DTNB: variants seen among roughly 807,000 people sequenced by gnomAD.
DTNB encodes the protein DTN-B.
A neutral mutation model predicts 90.7 loss-of-function variants in DTNB; 63 were observed. The ratio of observed to expected loss-of-function variants is 0.69; its 90% CI spans 0.57 to 0.86. DTNB has a LOEUF of 0.86. Among genes scored for constraint, DTNB ranks in the 40% least tolerant of loss-of-function variants. The pLI is 0.00. For missense variants in DTNB, 744 were observed against 807.1 expected (o/e 0.92, Z 0.95); for synonymous variants, 277 against 286.7 (o/e 0.97, Z 0.34).
At chr2:25,509,665 T>C (rs1261147388) in intron 9 of DTNB, among the ~76,000 whole-genome samples, 2 of 152,018 alleles carry the variant, frequency 1.3e-5, no homozygotes, top group Non-Finnish European at 2.9e-5. Context: ...AATCTTCTAT[T>C]TGTTTTTAGT....
rs1435648196 is a variant in DTNB at position 25,424,670 on chromosome 2, T to C, written c.1554+2865A>G. ...ACAGGGAAGAGGTGAGTGGATCCCCTATTTTTTTTTTTTTTGAGACTGAGT... is the reference window on the plus strand; with the variant it reads ...ACAGGGAAGAGGTGAGTGGATCCCCCATTTTTTTTTTTTTTGAGACTGAGT... On this transcript the variant is annotated intron_variant, in intron 15 of 20. Transcript: ENST00000406818. This position sits in a 1 kb window ranked among gnomAD's most constrained non-coding sequence, Gnocchi z 4.1. 6.6e-6 allele frequency among the ~76,000 whole-genome samples: 1 copy of C among 150,932 alleles called. No individual in the cohort carries two copies. Among genetic ancestry groups the C allele is most frequent in the African/African-American group, 2.5e-5 (1 of 40,708 alleles).
chr2:25,617,321 G>C (rs1042407814), intron 4 of DTNB, among the ~76,000 whole-genome samples: 6 of 152,110 alleles, frequency 3.9e-5, no homozygotes, highest in African/African-American at 1.4e-4. Flanking sequence ...AATGTGAGCG[G>C]GATGAATTTA....
Position 25,589,367 on chromosome 2 carries a change from C to CTTTT in DTNB, c.603+6715_603+6718dup, listed in dbSNP as rs1169808182. On this transcript the variant is annotated intron_variant, in intron 6 of 20. Transcript: ENST00000406818. ...GCTTATTCAGGTTTCTTTTTCTTTTCTTTTTTTTTTTTTTTTTTTTTTTTT... is the reference window on the plus strand; with the variant it reads ...GCTTATTCAGGTTTCTTTTTCTTTTCTTTTTTTTTTTTTTTTTTTTTTTTTTTTT... 6.8e-3 allele frequency among the ~76,000 whole-genome samples: 390 copies of CTTTT among 57,538 alleles called. 73 individuals are homozygous for CTTTT. Among genetic ancestry groups the CTTTT allele is most frequent in the East Asian group, 0.017 (27 of 1,632 alleles). The allele number at this position is 57,538 out of a possible 152,430, so 37.7% of individuals were successfully genotyped here. A position where few individuals can be genotyped will look rare whatever the true frequency, so the allele number is the denominator to read the frequency against.
At position 25,596,152 on chromosome 2, in the gene DTNB, T is replaced by G. The variant is rs747690891; in HGVS notation, c.537A>C (p.Thr179=). 6.2e-7 allele frequency: 1 copy of G among 1,613,524 alleles called. No individual in the cohort carries two copies. Among genetic ancestry groups the G allele is most frequent in the African/African-American group, 1.3e-5 (1 of 75,006 alleles). ...CAAAAGATGGCCCTTCAAAGACAGC[T>G]GTTGGGAGCTTCAGAACTTCCTTCA... is the stretch of plus-strand genomic sequence containing the variant. ...QFLKEVLKLP[T]AVFEGPSFGY... is the part of the protein sequence containing the mutation. Residue 179 remains threonine, a synonymous_variant, in exon 6 of 21, where the codon ACA becomes ACC. Transcript: ENST00000406818.
chr2:25,415,802 T>C (rs1481147475), intron 16 of DTNB, among the ~76,000 whole-genome samples: 2 of 152,158 alleles, frequency 1.3e-5, no homozygotes, highest in Non-Finnish European at 2.9e-5. Context: ...CCCAACTCCA[T>C]GGGGACTGAA....
chr2:25,604,498 C>T (rs1336879507), intron 5 of DTNB, among the ~76,000 whole-genome samples: 1 of 152,126 alleles, frequency 6.6e-6, no homozygotes, highest in Admixed American at 6.5e-5. Flanking sequence ...CCTCGAACTT[C>T]TAGCCTCAAG....
At chr2:25,639,758 A>G (rs2077842584) in intron 2 of DTNB, among the ~76,000 whole-genome samples, 1 of 152,232 alleles carries the variant, frequency 6.6e-6, no homozygotes, top group Non-Finnish European at 1.5e-5. Flanking sequence ...CGGCAGAAGT[A>G]CAGTGCGGGA....
At chr2:25,449,340 A>G (rs2058920571) in intron 12 of DTNB, among the ~76,000 whole-genome samples, 1 of 152,238 alleles carries the variant, frequency 6.6e-6, no homozygotes, top group Non-Finnish European at 1.5e-5. Flanking sequence ...CTCTTGGATA[A>G]ATATCTAAGA....
intron 8 of DTNB, among the ~76,000 whole-genome samples, chr2:25,560,460 C>G (rs1233139915): frequency 6.6e-6 from 1 of 152,154 alleles, no homozygotes. Context: ...AAAGGCTGAC[C>G]CAGCCCTGAA....
At chr2:25,662,651 T>TACACACAC (rs371062484) in intron 1 of DTNB, among the ~76,000 whole-genome samples, 106 of 129,328 alleles carry the variant, frequency 8.2e-4, no homozygotes, top group African/African-American at 1.8e-3. Flanking sequence ...AATATACAAA[T>TACACACAC]ACACACACAC....
At chr2:25,401,563 A>G (rs1483785362) in intron 16 of DTNB, among the ~76,000 whole-genome samples, 1 of 152,276 alleles carries the variant, frequency 6.6e-6, no homozygotes, top group Admixed American at 6.5e-5. Flanking sequence ...GGGTGGCCCC[A>G]GCATGATGCC....
Position 25,435,532 on chromosome 2 carries a change from G to C in DTNB, c.1258-1537C>G, listed in dbSNP as rs1197626384. ...TCTATCTTTTTTCACTTAGCAAAAT[G>C]TTTTTAAAGTTCACCCATGTTGTAC... is the stretch of plus-strand genomic sequence containing the variant. On this transcript the variant is annotated intron_variant, in intron 12 of 20. Transcript: ENST00000406818. Among the ~76,000 whole-genome samples the C allele has an allele frequency of 2.0e-5, 3 of 152,270 alleles. No individual in the cohort carries two copies. In the South Asian group the frequency reaches 6.2e-4, roughly 32 times the overall value.
At chr2:25,559,340 G>A (rs1464523403) in intron 8 of DTNB, among the ~76,000 whole-genome samples, 1 of 152,092 alleles carries the variant, frequency 6.6e-6, no homozygotes, top group Non-Finnish European at 1.5e-5. Context: ...GGCATTCCCT[G>A]AAGGCTCAGC....
chr2:25,420,467 A>ATCTATCT (rs1553355814), intron 15 of DTNB, among the ~76,000 whole-genome samples: 10 of 145,528 alleles, frequency 6.9e-5, no homozygotes, highest in Non-Finnish European at 1.3e-4. Context: ...CATCTAAATC[A>ATCTATCT]ATCTATCTAT....
At chr2:25,455,058 C>T (rs571881667) in intron 11 of DTNB, among the ~76,000 whole-genome samples, 3 of 152,284 alleles carry the variant, frequency 2.0e-5, no homozygotes, top group African/African-American at 7.2e-5. Flanking sequence ...AGAAAGATTT[C>T]ATTAGTTAGG....
intron 16 of DTNB, among the ~76,000 whole-genome samples, chr2:25,406,484 G>A (rs1235096582): frequency 1.3e-5 from 2 of 149,682 alleles, no homozygotes; most frequent in African/African-American, 5.0e-5. Context: ...GCGGTGAGCC[G>A]AGATCGTGCC....
intron 10 of DTNB, among the ~76,000 whole-genome samples, chr2:25,474,276 A>T (rs567226128): frequency 6.7e-6 from 1 of 149,990 alleles, no homozygotes; most frequent in South Asian, 2.1e-4. Context: ...ATTTTCAATT[A>T]CTCTGCTTTT....
At position 25,659,516 on chromosome 2, in the gene DTNB, CA is replaced by C. The variant is rs924976014; in HGVS notation, c.-1-6856del. On this transcript the variant is annotated intron_variant, in intron 1 of 20. Transcript: ENST00000406818. Reference sequence around the variant, plus strand: ...ATAAACCTCTAGCAAAACAGAGCAACAAAAAAAAGAGGGCATAAATTATCAA... The same window carrying C: ...ATAAACCTCTAGCAAAACAGAGCAACAAAAAAAGAGGGCATAAATTATCAA... 7.4e-5 allele frequency among the ~76,000 whole-genome samples: 11 copies of C among 149,230 alleles called. No homozygotes were observed. In the South Asian group the frequency reaches 1.7e-3, roughly 23 times the overall value.
chr2:25,474,411 A>G (rs1048553622), intron 10 of DTNB, among the ~76,000 whole-genome samples: 3 of 152,312 alleles, frequency 2.0e-5, no homozygotes, highest in Admixed American at 1.3e-4. Flanking sequence ...TGCTTTTCAA[A>G]CAAACTCTAT....
Sources: gnomAD v4.1 joint callset for allele counts (sites outside exome capture counted in the v4.1 genomes callset) on GRCh38, gnomAD v4.1.1 for gene constraint, Gnocchi (gnomAD v3.1) non-coding constraint, MANE v1.5 for transcripts, NCBI Gene and HGNC (gene_info 2026-07-23, HGNC 2026-07-21) for gene names.